HRH1: variants seen among roughly 807,000 people sequenced by gnomAD.
The protein encoded by HRH1 is histamine H1 receptor.
In HRH1, 6 loss-of-function variants were observed where a neutral mutation model predicts 10.3. That is an observed-to-expected ratio of 0.58 (90% CI 0.32 to 1.15). The LOEUF is 1.15. HRH1 is among the 50% of genes most tolerant of loss of function. HRH1 has a pLI of 0.05. For missense variants in HRH1, 514 were observed against 615.3 expected, an observed-to-expected ratio of 0.84 and a Z score of 1.74; for synonymous variants, 242 against 236.7, an observed-to-expected ratio of 1.02 and a Z score of -0.21.
intron 1 of HRH1, among the ~76,000 whole-genome samples, chr3:11,253,572 T>C (rs1939706700): frequency 6.6e-6 from 1 of 152,204 alleles, no homozygotes; most frequent in Non-Finnish European, 1.5e-5. Flanking sequence ...TTCCCTGTTT[T>C]ATATTAAAGG....
chr3:11,180,151 T>C (rs1390618451), intron 1 of HRH1, among the ~76,000 whole-genome samples: 4 of 152,180 alleles, frequency 2.6e-5, no homozygotes, highest in Non-Finnish European at 5.9e-5. Flanking sequence ...GTTTTTAGTA[T>C]GTTCATGGAG....
chr3:11,172,946 C>T (rs1388620616), intron 1 of HRH1, among the ~76,000 whole-genome samples: 1 of 152,164 alleles, frequency 6.6e-6, no homozygotes, highest in Non-Finnish European at 1.5e-5. Context: ...ATCCACCCGT[C>T]TCGGCCTCCC....
At chr3:11,199,188 G>A (rs1222517365) in intron 1 of HRH1, among the ~76,000 whole-genome samples, 1 of 152,058 alleles carries the variant, frequency 6.6e-6, no homozygotes, top group African/African-American at 2.4e-5. Flanking sequence ...CTCCCAAAGT[G>A]CTGGGATTAC....
intron 1 of HRH1, among the ~76,000 whole-genome samples, chr3:11,147,627 G>A (rs1448871736): frequency 6.6e-6 from 1 of 152,134 alleles, no homozygotes; most frequent in Non-Finnish European, 1.5e-5. Context: ...AAAAAAGACT[G>A]GTTTGCCTCT....
At chr3:11,235,473 CT>C (rs1452788287) in intron 1 of HRH1, among the ~76,000 whole-genome samples, 2 of 152,042 alleles carry the variant, frequency 1.3e-5, no homozygotes, top group African/African-American at 4.8e-5. Flanking sequence ...AAGGGCGTGG[CT>C]TCCTCACTGT....
At position 11,263,381 on chromosome 3, in the gene HRH1, T is replaced by G. The variant is rs1354283728; in HGVS notation, c.*2880T>G. 1 of 167,096 alleles carries G rather than the reference T, an allele frequency of 6.0e-6. No homozygotes were observed. The highest frequency in any genetic ancestry group is 2.4e-5 in the African/African-American group (1 of 41,454). 10.4% of individuals were successfully genotyped at this position (167,096 alleles called of 1,614,324 possible). On this transcript the variant is annotated 3_prime_UTR_variant, in exon 2 of 2. Transcript: ENST00000431010. ...GATGCTCCTGGCTATTTATGCACCCTAAGTGCCATAGAGACATGCTGTTGG... is the reference window on the plus strand; with the variant it reads ...GATGCTCCTGGCTATTTATGCACCCGAAGTGCCATAGAGACATGCTGTTGG...
chr3:11,156,975 T>A (rs1936818160), intron 1 of HRH1, among the ~76,000 whole-genome samples: 1 of 152,244 alleles, frequency 6.6e-6, no homozygotes, highest in Non-Finnish European at 1.5e-5. Flanking sequence ...TGGACCTGTA[T>A]AAACTTCTGA....
intron 1 of HRH1, among the ~76,000 whole-genome samples, chr3:11,167,530 G>A (rs113052353): frequency 0.13 from 18,844 of 149,490 alleles, 1,048 homozygotes; most frequent in East Asian, 0.27. Flanking sequence ...CATTCTCCAG[G>A]CCCGTGACAT....
chr3:11,166,128 A>G (rs1371256588), intron 1 of HRH1, among the ~76,000 whole-genome samples: 5 of 152,102 alleles, frequency 3.3e-5, no homozygotes, highest in Non-Finnish European at 1.5e-5. Context: ...ATCACTGCCC[A>G]CATATGCTCC....
chr3:11,253,385 T>G (rs919406812), intron 1 of HRH1, among the ~76,000 whole-genome samples: 6 of 152,236 alleles, frequency 3.9e-5, no homozygotes, highest in Non-Finnish European at 7.3e-5. Context: ...CAAAATGACC[T>G]ATTTTTCCAC....
At chr3:11,171,953 G>A (rs1309183845) in intron 1 of HRH1, among the ~76,000 whole-genome samples, 1 of 152,246 alleles carries the variant, frequency 6.6e-6, no homozygotes, top group Non-Finnish European at 1.5e-5. Context: ...TTGTGCAGGA[G>A]ATTTTGTAGG....
chr3:11,196,353 G>C (rs1575002459), intron 1 of HRH1, among the ~76,000 whole-genome samples: 1 of 152,216 alleles, frequency 6.6e-6, no homozygotes, highest in Non-Finnish European at 1.5e-5. Context: ...CCATCTTACA[G>C]ACATTCCTCA....
chr3:11,219,559 A>G (rs1938629998), intron 1 of HRH1, among the ~76,000 whole-genome samples: 2 of 151,998 alleles, frequency 1.3e-5, no homozygotes, highest in South Asian at 4.2e-4. Flanking sequence ...CTAAAAATAC[A>G]AAAATTAGCT....
At chr3:11,201,902 C>T (rs888403277) in intron 1 of HRH1, among the ~76,000 whole-genome samples, 3 of 152,186 alleles carry the variant, frequency 2.0e-5, no homozygotes, top group Admixed American at 1.3e-4. Context: ...AGGCCTGTGG[C>T]AGTGTTGGGC....
chr3:11,209,942 C>T (rs556506697), intron 1 of HRH1, among the ~76,000 whole-genome samples: 49 of 152,334 alleles, frequency 3.2e-4, no homozygotes, highest in African/African-American at 8.7e-4. Flanking sequence ...TTGCTTGTCT[C>T]TGGATCCTAT....
intron 1 of HRH1, among the ~76,000 whole-genome samples, chr3:11,207,431 G>A (rs1332250053): frequency 3.3e-5 from 5 of 152,070 alleles, no homozygotes; most frequent in African/African-American, 9.7e-5. Context: ...TTAGCCGGGT[G>A]TGGTGGCGGC....
At position 11,254,005 on chromosome 3, in the gene HRH1, A is replaced by G. The variant is rs146130586; in HGVS notation, c.-35-4998A>G. 9.3e-3 allele frequency among the ~76,000 whole-genome samples: 1,412 copies of G among 152,238 alleles called. 29 individuals carry two copies. The highest frequency in any genetic ancestry group is 0.032 in the African/African-American group (1,336 of 41,534). ...AGTCCAAACAAAACAGCAGTTTTTT[A>G]TCATTTGCTGCTTTTTCTTGTGTTT... On this transcript the variant is annotated intron_variant, in intron 1 of 1. Coordinates refer to ENST00000431010, the MANE Select transcript of HRH1 (RefSeq NM_001098212.2).
intron 1 of HRH1, among the ~76,000 whole-genome samples, chr3:11,177,827 G>A (rs1192799815): frequency 6.6e-6 from 1 of 152,220 alleles, no homozygotes; most frequent in Non-Finnish European, 1.5e-5. Flanking sequence ...AAGTGGAGCA[G>A]GTCAGTCACC....
chr3:11,236,173 A>G (rs1939176295), intron 1 of HRH1, among the ~76,000 whole-genome samples: 1 of 152,252 alleles, frequency 6.6e-6, no homozygotes, highest in African/African-American at 2.4e-5. Flanking sequence ...CTTTTGACAC[A>G]GTGGCTCACG....
Sources: allele counts gnomAD v4.1 joint callset (sites outside exome capture counted in the v4.1 genomes callset), GRCh38; gene constraint gnomAD v4.1.1; transcripts MANE v1.5; gene names NCBI Gene and HGNC (gene_info 2026-07-23, HGNC 2026-07-21).